Variants in CUX1 observed in about 807,000 individuals in gnomAD.
CUX1 encodes cut like homeobox 1.
In CUX1, 31 loss-of-function variants were observed where a neutral mutation model predicts 158.8. The observed-to-expected ratio is 0.20, with a 90% CI of 0.15 to 0.26. The LOEUF is 0.26. CUX1 is among the 10% of genes least tolerant of loss of function. The pLI is 1.00. For synonymous variants in CUX1, 879 were observed against 862.1 expected (o/e 1.02, Z -0.34); for missense variants, 1,589 against 2,014.6 (o/e 0.79, Z 4.04).
At chr7:101,995,348 G>A (rs140022493) in intron 2 of CUX1, among the ~76,000 whole-genome samples, 85 of 152,274 alleles carry the variant, frequency 5.6e-4, no homozygotes, top group African/African-American at 2.0e-3. Flanking sequence ...CACAAAGCAC[G>A]CCAGGTGCAT....
chr7:102,119,054 A>G (rs1831752165), intron 8 of CUX1, among the ~76,000 whole-genome samples: 2 of 152,050 alleles, frequency 1.3e-5, no homozygotes, highest in South Asian at 4.2e-4. Flanking sequence ...CCAGCATGCT[A>G]GGTGGTTTTG....
At chr7:101,912,205 A>ACCCCTCTTCCCCCT (rs1803565285) in intron 1 of CUX1, among the ~76,000 whole-genome samples, 1 of 124,428 alleles carries the variant, frequency 8.0e-6, no homozygotes, top group Non-Finnish European at 1.7e-5. Flanking sequence ...GCCACCACCA[A>ACCCCTCTTCCCCCT]CCCCTCTTCC....
intron 6 of CUX1, among the ~76,000 whole-genome samples, chr7:102,107,401 G>A (rs959644299): frequency 1.3e-5 from 2 of 150,992 alleles, no homozygotes; most frequent in Non-Finnish European, 3.0e-5. Flanking sequence ...TAAGCCAGGC[G>A]TGGTGGCACA....
At chr7:101,961,524 A>G (rs1319474629) in intron 2 of CUX1, 1 of 152,226 alleles carries the variant, frequency 6.6e-6, no homozygotes, top group East Asian at 1.9e-4. Flanking sequence ...AATATAGAAC[A>G]AAGCAGTATA....
At chr7:102,200,209 T>G (rs1795269286) in intron 17 of CUX1, 37 bp downstream of exon 17, 1 of 1,542,830 alleles carries the variant, frequency 6.5e-7, no homozygotes, top group Non-Finnish European at 8.8e-7. Context: ...GTCTTCAAAC[T>G]TAATTAAGAG....
intron 8 of CUX1, among the ~76,000 whole-genome samples, chr7:102,124,309 G>A (rs369166037): frequency 6.6e-6 from 1 of 152,208 alleles, no homozygotes; most frequent in East Asian, 1.9e-4. Context: ...AATGCAGGCT[G>A]CAATCCAGCA....
chr7:102,055,868 A>T (rs983784521), intron 3 of CUX1, among the ~76,000 whole-genome samples: 1 of 152,232 alleles, frequency 6.6e-6, no homozygotes, highest in African/African-American at 2.4e-5. Flanking sequence ...CATCAAGGAT[A>T]TGAAAAGTGC....
At chr7:102,016,561 A>G (rs1292998381) in intron 2 of CUX1, among the ~76,000 whole-genome samples, 1 of 152,248 alleles carries the variant, frequency 6.6e-6, no homozygotes, top group African/African-American at 2.4e-5. Context: ...ACACTGAGCC[A>G]TGACCACACC....
At chr7:102,087,929 A>G (rs1554481087) in intron 4 of CUX1, among the ~76,000 whole-genome samples, 1 of 151,880 alleles carries the variant, frequency 6.6e-6, no homozygotes, top group African/African-American at 2.4e-5. Flanking sequence ...AACATTTATT[A>G]TGATATAGGC....
intron 8 of CUX1, among the ~76,000 whole-genome samples, chr7:102,142,858 G>A (rs1034661500): frequency 5.9e-5 from 9 of 151,652 alleles, no homozygotes; most frequent in Admixed American, 5.9e-4. Flanking sequence ...TGAGTTCAAG[G>A]CTGCAGTGAG....
downstream of CUX1, among the ~76,000 whole-genome samples, chr7:102,261,881 C>A (rs146609681): frequency 1.3e-4 from 20 of 152,278 alleles, no homozygotes; most frequent in Non-Finnish European, 2.2e-4. Context: ...CTTTGGGAAG[C>A]CAAGGCAGGA....
intron 3 of CUX1, among the ~76,000 whole-genome samples, chr7:102,028,848 T>G (rs902859514): frequency 1.1e-4 from 17 of 152,162 alleles, no homozygotes; most frequent in African/African-American, 3.9e-4. Flanking sequence ...ATTATATTAT[T>G]CTTGCGGATT....
At chr7:102,240,957 A>T (rs577683624) in intron 23 of CUX1, among the ~76,000 whole-genome samples, 2 of 152,082 alleles carry the variant, frequency 1.3e-5, no homozygotes, top group African/African-American at 4.8e-5. Context: ...AGTGGCTGAG[A>T]CTACAGGTGT....
intron 1 of CUX1, among the ~76,000 whole-genome samples, chr7:101,858,143 A>T (rs931671744): frequency 2.0e-5 from 3 of 152,172 alleles, no homozygotes; most frequent in Non-Finnish European, 2.9e-5. Context: ...AAAACAGAAC[A>T]TACTATTTTT....
At chr7:102,270,533 C>T (rs953861090) in intron 14 of CUX1, among the ~76,000 whole-genome samples, 4 of 152,178 alleles carry the variant, frequency 2.6e-5, no homozygotes, top group African/African-American at 7.2e-5. Flanking sequence ...GTCTGCCAGC[C>T]TCTGCTGCCC....
intron 8 of CUX1, among the ~76,000 whole-genome samples, chr7:102,141,009 C>CA (rs1834396712): frequency 6.6e-6 from 1 of 151,992 alleles, no homozygotes; most frequent in South Asian, 2.1e-4. Context: ...AGTGATTAGA[C>CA]AGGATGGAGG....
At chr7:101,921,643 G>A (rs925464158) in intron 2 of CUX1, among the ~76,000 whole-genome samples, 15 of 152,108 alleles carry the variant, frequency 9.9e-5, no homozygotes, top group African/African-American at 3.6e-4. Context: ...TGTATTTTTA[G>A]TAGAGACGGA....
intron 23 of CUX1, among the ~76,000 whole-genome samples, chr7:102,243,953 G>A (rs189918230): frequency 5.3e-4 from 80 of 152,064 alleles, no homozygotes; most frequent in African/African-American, 1.8e-3. Context: ...CTTGAACTCC[G>A]GAGGCGGAGG....
intron 14 of CUX1, among the ~76,000 whole-genome samples, chr7:102,272,586 G>A (rs1282919425): frequency 3.3e-5 from 5 of 152,240 alleles, no homozygotes. Context: ...CAGAAACAGG[G>A]CCAAACCTCA....
Sources: allele counts gnomAD v4.1 joint callset (sites outside exome capture counted in the v4.1 genomes callset), GRCh38; gene constraint gnomAD v4.1.1; transcripts MANE v1.5; gene names NCBI Gene and HGNC (gene_info 2026-07-23, HGNC 2026-07-21).